The following MPDZ variants were observed in gnomAD, a reference collection of about 807,000 sequenced individuals.
The protein encoded by MPDZ is multiple PDZ domain crumbs cell polarity complex component.
In MPDZ, 234 loss-of-function variants were observed where a neutral mutation model predicts 239.1. The observed-to-expected ratio is 0.98, with a 90% CI of 0.88 to 1.09. The LOEUF (loss-of-function observed/expected upper bound fraction) is 1.09, where lower values mean the gene tolerates loss of function less well. MPDZ is among the 50% of genes least tolerant of loss of function. The pLI is 0.00. For missense variants in MPDZ, 3,175 were observed against 2,510.0 expected, an observed-to-expected ratio of 1.26 and a Z score of -5.66; for synonymous variants, 1,048 against 881.3, an observed-to-expected ratio of 1.19 and a Z score of -3.35.
chr9:13,115,338 G>T lies in MPDZ; in HGVS notation c.5380-4C>A, dbSNP rs41265280. ...AGGTTACTGTGCCTAGGGAACACTGGGGGTGGGCATGGGGGGTGTTTTATG... is the reference window on the plus strand; with the variant it reads ...AGGTTACTGTGCCTAGGGAACACTGTGGGTGGGCATGGGGGGTGTTTTATG... On this transcript the variant is annotated splice_region_variant and splice_polypyrimidine_tract_variant and intron_variant, in intron 39 of 46. Transcript: ENST00000319217. The T allele has an allele frequency of 1.6e-4, 259 of 1,611,048 alleles. No homozygotes were observed. The highest frequency in any genetic ancestry group is 3.9e-5 in the Non-Finnish European group (46 of 1,178,422).
At chr9:13,221,723 T>C (rs977370720) in intron 6 of MPDZ, among the ~76,000 whole-genome samples, 1 of 151,964 alleles carries the variant, frequency 6.6e-6, no homozygotes, top group African/African-American at 2.4e-5. Context: ...ATCATCATAA[T>C]GATTTCACTT....
At chr9:13,141,147 A>G (rs537540170) in intron 27 of MPDZ, among the ~76,000 whole-genome samples, 13 of 152,200 alleles carry the variant, frequency 8.5e-5, no homozygotes, top group African/African-American at 2.6e-4. Flanking sequence ...ATATTGCAAA[A>G]ATAATTGCAG....
At chr9:13,230,717 A>G (rs1007034195) in intron 3 of MPDZ, among the ~76,000 whole-genome samples, 2 of 152,090 alleles carry the variant, frequency 1.3e-5, no homozygotes, top group Non-Finnish European at 2.9e-5. Context: ...AGCTAGGTTA[A>G]TCTATATAAG....
chr9:13,119,718 G>C (rs1454551953), intron 38 of MPDZ, 69 bp from the exon 39 acceptor site: 1 of 1,592,162 alleles, frequency 6.3e-7, no homozygotes, highest in Non-Finnish European at 8.6e-7. Context: ...TTAATAAAAA[G>C]TTACGTTTTT....
chr9:13,216,115 G>A (rs1260185005), intron 10 of MPDZ, among the ~76,000 whole-genome samples: 4 of 151,482 alleles, frequency 2.6e-5, no homozygotes, highest in Non-Finnish European at 2.9e-5. Flanking sequence ...TATTTGATAA[G>A]GAAGTTTTGT....
intron 32 of MPDZ, among the ~76,000 whole-genome samples, chr9:13,131,515 C>T (rs534771694): frequency 2.6e-5 from 4 of 152,180 alleles, no homozygotes; most frequent in South Asian, 4.2e-4. Flanking sequence ...CACCTTGAAG[C>T]GAAACCGCCA....
At chr9:13,122,666 G>A (rs896856466) in intron 36 of MPDZ, among the ~76,000 whole-genome samples, 6 of 151,954 alleles carry the variant, frequency 3.9e-5, no homozygotes, top group Admixed American at 1.3e-4. Context: ...GATTACAGAC[G>A]CTACCATGCC....
chr9:13,191,982 C>A, intron 15 of MPDZ, 149 bp downstream of exon 15: 1 of 635,126 alleles, frequency 1.6e-6, no homozygotes, highest in African/African-American at 1.9e-5. Flanking sequence ...TGATTCAAAC[C>A]CAGATTTGTC....
intron 29 of MPDZ, among the ~76,000 whole-genome samples, chr9:13,137,269 G>A (rs949946617): frequency 4.6e-5 from 7 of 152,104 alleles, no homozygotes; most frequent in African/African-American, 1.7e-4. Flanking sequence ...TCAGGATTTA[G>A]GCAGCAAACT....
chr9:13,179,575 G>T (rs1209639192), intron 19 of MPDZ, among the ~76,000 whole-genome samples: 1 of 152,062 alleles, frequency 6.6e-6, no homozygotes, highest in African/African-American at 2.4e-5. Context: ...ATTTTTAAAA[G>T]TCTTGTGGAT....
chr9:13,106,568 CTTTAT>C lies in MPDZ; in HGVS notation c.*392_*396del, dbSNP rs1941496873. ...TTTTTAAACTCCCCGAGATTTTCTT[CTTTAT>C]TTTATATTTTCATTTTTCATCCTAA... On this transcript the variant is annotated 3_prime_UTR_variant, in exon 47 of 47. Transcript: ENST00000319217. The C allele has an allele frequency of 6.5e-6, 1 of 154,348 alleles. No homozygotes were observed. Among genetic ancestry groups the C allele is most frequent in the Admixed American group, 6.5e-5 (1 of 15,278 alleles). 9.6% of individuals were successfully genotyped at this position (154,348 alleles called of 1,614,324 possible).
At chr9:13,152,427 T>A (rs1036505174) in intron 24 of MPDZ, among the ~76,000 whole-genome samples, 3 of 152,114 alleles carry the variant, frequency 2.0e-5, no homozygotes, top group Admixed American at 1.3e-4. Context: ...TTTCTCATGA[T>A]AGTGAATAAG....
chr9:13,110,219 T>A (rs1942218789), intron 44 of MPDZ, among the ~76,000 whole-genome samples, 155 bp from the exon 45 acceptor site: 1 of 152,224 alleles, frequency 6.6e-6, no homozygotes, highest in East Asian at 1.9e-4. Context: ...AGAATGAAAT[T>A]TCACAAGGTC....
At chr9:13,198,064 C>T (rs73406298) in intron 12 of MPDZ, among the ~76,000 whole-genome samples, 31 of 152,206 alleles carry the variant, frequency 2.0e-4, no homozygotes, top group African/African-American at 6.7e-4. Context: ...CATAGGGGTA[C>T]GGATATCTCT....
chr9:13,188,873 A>G lies in MPDZ; in HGVS notation c.2275T>C (p.Leu759=), dbSNP rs554847026. 5 of 1,613,420 alleles carry G rather than the reference A, an allele frequency of 3.1e-6. No individual in the cohort carries two copies. Among genetic ancestry groups the G allele is most frequent in the Non-Finnish European group, 4.2e-6 (5 of 1,179,602 alleles). ...DRLMFVNDVN[L]ENSSLEEAVE... ...GCTTCCTCAAGACTGCTGTTTTCCA[A>G]GTTAACATCGTTTACAAACATGAGT... The change falls in exon 17 of 47, where the codon TTG becomes CTG. Residue 759 remains leucine (L), a synonymous_variant. Coordinates refer to ENST00000319217, the MANE Select transcript of MPDZ (RefSeq NM_001378778.1).
At chr9:13,146,144 C>G (rs1948404435) in intron 26 of MPDZ, among the ~76,000 whole-genome samples, 1 of 151,926 alleles carries the variant, frequency 6.6e-6, no homozygotes, top group South Asian at 2.1e-4. Context: ...TAATTATTAC[C>G]TAACAATAAA....
At chr9:13,219,796 A>C in intron 7 of MPDZ, 28 bp from the exon 8 acceptor site, 2 of 1,591,534 alleles carry the variant, frequency 1.3e-6, no homozygotes, top group Non-Finnish European at 1.7e-6. Flanking sequence ...GAATAATTAG[A>C]CTATTATTAT....
In MPDZ at chr9:13,143,462, C is replaced by T; in HGVS notation, c.3840+4G>A. The stretch of plus-strand genomic sequence containing the variant: ...CAACAGCAAGACAATGGGCATTATC[C>T]AACCTTGTCGGCGTTGATTTGTAGA... On this transcript the variant is annotated splice_donor_region_variant and intron_variant, in intron 27 of 46. Coordinates refer to ENST00000319217, the MANE Select transcript of MPDZ (RefSeq NM_001378778.1). The T allele has an allele frequency of 1.9e-6, 3 of 1,608,010 alleles. No individual in the cohort carries two copies. In the South Asian group the frequency reaches 3.3e-5, roughly 18 times the overall value.
intron 3 of MPDZ, among the ~76,000 whole-genome samples, chr9:13,228,753 C>A (rs1961447415): frequency 6.6e-6 from 1 of 152,012 alleles, no homozygotes. Context: ...AACAATTTCA[C>A]CAATAATTGT....
Sources: gnomAD v4.1 joint callset for allele counts (sites outside exome capture counted in the v4.1 genomes callset) on GRCh38, gnomAD v4.1.1 for gene constraint, MANE v1.5 for transcripts, NCBI Gene and HGNC (gene_info 2026-07-23, HGNC 2026-07-21) for gene names.